APMAP: variants seen among roughly 807,000 people sequenced by gnomAD.
The protein encoded by APMAP is adipocyte plasma membrane-associated protein.
In APMAP, 33 loss-of-function variants were observed where a neutral mutation model predicts 43.6. The ratio of observed to expected loss-of-function variants is 0.76; its 90% CI spans 0.57 to 1.01. The LOEUF (loss-of-function observed/expected upper bound fraction) is 1.01, where lower values mean the gene tolerates loss of function less well. Among genes scored for constraint, APMAP ranks in the 50% least tolerant of loss-of-function variants. The pLI is 0.00. For synonymous variants in APMAP, 224 were observed against 216.7 expected (o/e 1.03, Z -0.30); for missense variants, 498 against 540.7 (o/e 0.92, Z 0.78).
chr20:24,966,706 G>C (rs956204383), intron 8 of APMAP, among the ~76,000 whole-genome samples: 52 of 152,174 alleles, frequency 3.4e-4, no homozygotes, highest in Non-Finnish European at 7.1e-4. Flanking sequence ...TTAAACAGCT[G>C]ACAACTAAAC....
At chr20:24,983,386 C>T (rs970018711) in intron 2 of APMAP, among the ~76,000 whole-genome samples, 1 of 152,188 alleles carries the variant, frequency 6.6e-6, no homozygotes, top group East Asian at 1.9e-4. Context: ...CTGATGAGAG[C>T]CTGGCTCTAT....
chr20:24,978,838 G>C lies in APMAP; in HGVS notation c.257C>G (p.Thr86Arg). Residue 86 changes from threonine (T) to arginine (R), a missense_variant, in exon 3 of 9, where the codon ACG becomes AGG. Coordinates refer to ENST00000217456, the MANE Select transcript of APMAP (RefSeq NM_020531.3). ...CAGCCTTTCTGCCTGTCGCAGCTTC[G>C]TATTTGGATGCAGAACACCAAGCAA... ...PLLLGVLHPNTKLRQAERLFE... is the reference protein window; with the variant it reads ...PLLLGVLHPNRKLRQAERLFE... The C allele has an allele frequency of 6.2e-7, 1 of 1,612,990 alleles. No individual in the cohort carries two copies. Among genetic ancestry groups the C allele is most frequent in the Non-Finnish European group, 8.5e-7 (1 of 1,179,638 alleles).
chr20:24,977,652 A>G (rs934003902), intron 3 of APMAP, among the ~76,000 whole-genome samples: 1 of 152,222 alleles, frequency 6.6e-6, no homozygotes, highest in Non-Finnish European at 1.5e-5. Context: ...GTGACAAAGT[A>G]CAATGAGAAG....
At chr20:24,988,485 T>C (rs565456372) in intron 1 of APMAP, among the ~76,000 whole-genome samples, 1 of 152,294 alleles carries the variant, frequency 6.6e-6, no homozygotes, top group South Asian at 2.1e-4. Flanking sequence ...AAAAGTCCAT[T>C]GACAAAGATT....
chr20:24,969,053 C>T lies in APMAP; in HGVS notation c.880G>A (p.Ala294Thr). The T allele has an allele frequency of 6.2e-7, 1 of 1,611,430 alleles. No homozygotes were observed. The highest frequency in any genetic ancestry group is 8.5e-7 in the Non-Finnish European group (1 of 1,178,872). ...GGCATGTTCTCCACAAACAGATCAG[C>T]CCCGCCCTTCATCAGGCCAGAAACG... ...VYVSGLMKGG[A>T]DLFVENMPGF... The change falls in exon 8 of 9, where the codon GCT becomes ACT. Residue 294 changes from alanine to threonine, a missense_variant. By Grantham distance (58) the Ala-to-Thr change is moderately conservative (BLOSUM62 0). Transcript: ENST00000217456.
At chr20:24,990,295 A>G (rs1674054077) in intron 1 of APMAP, among the ~76,000 whole-genome samples, 1 of 152,260 alleles carries the variant, frequency 6.6e-6, no homozygotes, top group African/African-American at 2.4e-5. Context: ...GCATAATTTT[A>G]AAAATACACT....
rs779248044 is a variant in APMAP at position 24,970,239 on chromosome 20, C to T, written c.671G>A (p.Arg224Gln). The T allele has an allele frequency of 1.3e-5, 21 of 1,614,046 alleles. No homozygotes were observed. The highest frequency in any genetic ancestry group is 1.2e-4 in the Admixed American group (7 of 59,996). Reference sequence around the variant, plus strand: ...CTCCATCACCAGAAGCAGGTAGTCTCGTCTTTGCCATTTGCTGCTAGAATC... The same window carrying T: ...CTCCATCACCAGAAGCAGGTAGTCTTGTCTTTGCCATTTGCTGCTAGAATC... ...FTDSSSKWQR[R>Q]DYLLLVMEGT... The change falls in exon 6 of 9, where the codon CGA becomes CAA. Residue 224 changes from arginine (R) to glutamine (Q), a missense_variant. Physicochemically the swap from Arg to Gln is conservative, Grantham distance 43. Transcript: ENST00000217456.
intron 8 of APMAP, among the ~76,000 whole-genome samples, chr20:24,968,431 G>A (rs2092750431): frequency 6.6e-6 from 1 of 152,234 alleles, no homozygotes; most frequent in Non-Finnish European, 1.5e-5. Context: ...GTGGTGACTA[G>A]GTTACAGGGG....
Position 24,992,716 on chromosome 20 carries a change from A to C in APMAP, c.-28T>G. The C allele has an allele frequency of 6.7e-7, 1 of 1,485,598 alleles. No individual in the cohort carries two copies. The highest frequency in any genetic ancestry group is 9.0e-7 in the Non-Finnish European group (1 of 1,113,654). The allele number at this position is 1,485,598 out of a possible 1,614,324, so 92.0% of individuals were successfully genotyped here. A position where few individuals can be genotyped will look rare whatever the true frequency, so the allele number is the denominator to read the frequency against. On this transcript the variant is annotated 5_prime_UTR_variant, in exon 1 of 9. Transcript: ENST00000217456. ...TACGGGCGCCAGCCTCACCCGCAGAAACCACCTCACACTGAGCGGCGCCGG... is the reference window on the plus strand; with the variant it reads ...TACGGGCGCCAGCCTCACCCGCAGACACCACCTCACACTGAGCGGCGCCGG...
At chr20:24,992,119 C>T (rs555081911) in intron 1 of APMAP, among the ~76,000 whole-genome samples, 1 of 152,352 alleles carries the variant, frequency 6.6e-6, no homozygotes, top group South Asian at 2.1e-4. Context: ...CGAGGCAGGA[C>T]CCCAGCATCT....
At chr20:24,964,967 C>T (rs1012520993) in intron 8 of APMAP, among the ~76,000 whole-genome samples, 15 of 152,144 alleles carry the variant, frequency 9.9e-5, no homozygotes, top group African/African-American at 2.9e-4. Flanking sequence ...TCCTGCTGTT[C>T]GGCCGTGGAT....
At chr20:24,979,218 C>T (rs2122513164) in intron 2 of APMAP, among the ~76,000 whole-genome samples, 2 of 152,334 alleles carry the variant, frequency 1.3e-5, no homozygotes, top group Middle Eastern at 3.4e-3. Flanking sequence ...ACCCCTGTGA[C>T]TCACAGCCCT....
Position 24,963,829 on chromosome 20 carries a change from C to A in APMAP, c.1235G>T (p.Ser412Ile). The A allele has an allele frequency of 6.2e-7, 1 of 1,614,166 alleles. No homozygotes were observed. Among genetic ancestry groups the A allele is most frequent in the Admixed American group, 1.7e-5 (1 of 60,032 alleles). The change falls in exon 9 of 9, where the codon AGC (serine) becomes ATC (isoleucine). Residue 412 changes from serine to isoleucine, a missense_variant. Physicochemically the swap from Ser to Ile is moderately radical, Grantham distance 142. Coordinates refer to ENST00000217456, the MANE Select transcript of APMAP (RefSeq NM_020531.3). ...SFRSPFLCRL[S>I]LQAV ...CTGGGAGGGCTAAACAGCCTGGAGGCTGAGTCTGCAGAGGAAGGGGGACCT... is the reference window on the plus strand; with the variant it reads ...CTGGGAGGGCTAAACAGCCTGGAGGATGAGTCTGCAGAGGAAGGGGGACCT...
chr20:24,975,520 C>T (rs1375033203), intron 3 of APMAP, among the ~76,000 whole-genome samples: 1 of 152,062 alleles, frequency 6.6e-6, no homozygotes, highest in Non-Finnish European at 1.5e-5. Context: ...TGAAAGAAAT[C>T]AAAGAACTAA....
chr20:24,985,231 C>T (rs1600290017), intron 1 of APMAP, among the ~76,000 whole-genome samples: 1 of 152,160 alleles, frequency 6.6e-6, no homozygotes, highest in East Asian at 1.9e-4. Context: ...ATGCATGATC[C>T]AGTCCTGAAC....
chr20:24,965,945 G>A (rs1459457815), intron 8 of APMAP, among the ~76,000 whole-genome samples: 1 of 152,206 alleles, frequency 6.6e-6, no homozygotes, highest in Non-Finnish European at 1.5e-5. Context: ...ACAGATGCAG[G>A]CATAAGCGTG....
At chr20:24,975,383 G>C (rs2088042398) in intron 3 of APMAP, among the ~76,000 whole-genome samples, 1 of 152,104 alleles carries the variant, frequency 6.6e-6, no homozygotes, top group Non-Finnish European at 1.5e-5. Context: ...TACTAACAAT[G>C]AACAAATGGA....
Position 24,973,597 on chromosome 20 carries a change from T to C in APMAP, c.421+48A>G, listed in dbSNP as rs760598363. The C allele has an allele frequency of 3.2e-6, 5 of 1,559,808 alleles. No individual in the cohort carries two copies. In the South Asian group the frequency reaches 3.4e-5, roughly 10 times the overall value. ...CAGTTCCACACAACGATCCAACATC[T>C]TTCTGAAAGACTGGAAGAGACACAT... On this transcript the variant is annotated intron_variant, in intron 4 of 8. Transcript: ENST00000217456.
chr20:24,974,026 C>G (rs549474433), intron 3 of APMAP: 1 of 271,216 alleles, frequency 3.7e-6, no homozygotes, highest in East Asian at 7.7e-5. Flanking sequence ...TTTCTCCAGT[C>G]CTGAAGCACT....
Sources: allele counts gnomAD v4.1 joint callset (sites outside exome capture counted in the v4.1 genomes callset), GRCh38; gene constraint gnomAD v4.1.1; transcripts MANE v1.5; gene names NCBI Gene and HGNC (gene_info 2026-07-23, HGNC 2026-07-21).